CSMD3: variants seen among roughly 807,000 people sequenced by gnomAD.
The protein encoded by CSMD3 is CUB and sushi domain-containing protein 3.
In CSMD3, 177 loss-of-function variants were observed where a neutral mutation model predicts 435.2. The ratio of observed to expected loss-of-function variants is 0.41; its 90% confidence interval spans 0.36 to 0.46. CSMD3 has a LOEUF of 0.46. Among genes scored for constraint, CSMD3 ranks in the 20% least tolerant of loss-of-function variants. CSMD3 has a pLI of 0.34. For missense variants in CSMD3, 4,265 were observed against 4,504.6 expected (o/e 0.95, Z 1.52); for synonymous variants, 1,656 against 1,520.5 (o/e 1.09, Z -2.07).
intron 38 of CSMD3, among the ~76,000 whole-genome samples, chr8:112,373,639 G>A (rs11777501): frequency 0.39 from 59,953 of 151,966 alleles, 13,313 homozygotes; most frequent in Middle Eastern, 0.54. Context: ...CAGAATTTCT[G>A]TATCTAGTTA....
intron 4 of CSMD3, among the ~76,000 whole-genome samples, chr8:113,109,182 C>T (rs576427562): frequency 7.2e-5 from 11 of 152,308 alleles, no homozygotes; most frequent in East Asian, 3.9e-4. Context: ...CACTGTAGAA[C>T]GGTGAGGATA....
At chr8:112,553,674 C>T (rs1827875877) in intron 25 of CSMD3, among the ~76,000 whole-genome samples, 1 of 151,884 alleles carries the variant, frequency 6.6e-6, no homozygotes, top group South Asian at 2.1e-4. Flanking sequence ...GACAACTTTC[C>T]TATTATCTTA....
chr8:113,185,732 CATGCATGTGTGCATGCGTGTGTGTGT>C (rs1268666605), intron 3 of CSMD3, among the ~76,000 whole-genome samples: 1 of 149,336 alleles, frequency 6.7e-6, no homozygotes, highest in African/African-American at 2.6e-5. Context: ...TGTGTGTGTG[CATGCATGTGTGCATGCGTGTGTGTGT>C]GCATGTGCAC....
Position 112,335,355 on chromosome 8 carries a change from CTTG to C in CSMD3, c.7136_7138del (p.Thr2379del). 3.1e-6 allele frequency: 5 copies of C among 1,613,946 alleles called. No homozygotes were observed. Among genetic ancestry groups the C allele is most frequent in the Non-Finnish European group, 4.2e-6 (5 of 1,179,934 alleles). ...GTGATAACTGAGCACAAAAAAGCCA[CTTG>C]TTGTGAAATCACTGTGGAATTTGAT... On this transcript the variant is annotated inframe_deletion, in exon 45 of 71. Coordinates refer to ENST00000297405, the MANE Select transcript of CSMD3 (RefSeq NM_198123.2).
intron 3 of CSMD3, among the ~76,000 whole-genome samples, chr8:113,243,407 G>A (rs67253227): frequency 0.11 from 16,670 of 151,858 alleles, 1,005 homozygotes; most frequent in Middle Eastern, 0.18. Context: ...AGGTTTTCAA[G>A]GTTCGTGCAT....
rs564281357 is a variant in CSMD3, at chr8:112,765,620, C to T, written c.1972+34542G>A. ...TCAATATGTTTCTTGACTATTCATT[C>T]TTCACTTAATAAACATTTTCAAAAG... On this transcript the variant is annotated intron_variant, in intron 13 of 70. Transcript: ENST00000297405. Among the ~76,000 whole-genome samples, 8 of 151,748 alleles carry T rather than the reference C, an allele frequency of 5.3e-5. No individual in the cohort carries two copies. The East Asian group carries it at 1.6e-3, about 29-fold the overall frequency.
At chr8:112,533,194 A>G (rs1273324329) in intron 27 of CSMD3, among the ~76,000 whole-genome samples, 1 of 152,036 alleles carries the variant, frequency 6.6e-6, no homozygotes, top group African/African-American at 2.4e-5. Context: ...CCACAAAGGA[A>G]GTGAAGAAGA....
intron 27 of CSMD3, among the ~76,000 whole-genome samples, chr8:112,523,627 T>C (rs1390169118): frequency 6.6e-6 from 1 of 152,028 alleles, no homozygotes; most frequent in East Asian, 1.9e-4. Context: ...ACTTAACCTG[T>C]GAGAAAAATC....
intron 32 of CSMD3, among the ~76,000 whole-genome samples, chr8:112,438,101 C>A (rs1183573971): frequency 6.6e-6 from 1 of 152,140 alleles, no homozygotes; most frequent in African/African-American, 2.4e-5. Context: ...AAATAATTAT[C>A]TCTGATATGT....
In CSMD3 at chr8:113,319,799, T is replaced by C. The variant is rs1022567030; in HGVS notation, c.179-5006A>G. Among the ~76,000 whole-genome samples the C allele has an allele frequency of 1.1e-4, 16 of 152,212 alleles. No individual in the cohort carries two copies. The East Asian group carries it at 3.1e-3, about 29-fold the overall frequency. On this transcript the variant is annotated intron_variant, in intron 1 of 70. Transcript: ENST00000297405. Reference sequence around the variant, plus strand: ...ATTGTGATTCACTTGGAATCTATATTTGCCTTTGTAAATACATTTCTAAGT... The same window carrying C: ...ATTGTGATTCACTTGGAATCTATATCTGCCTTTGTAAATACATTTCTAAGT...
intron 53 of CSMD3, among the ~76,000 whole-genome samples, chr8:112,298,242 G>A (rs1475415212): frequency 6.6e-6 from 1 of 151,842 alleles, no homozygotes; most frequent in Non-Finnish European, 1.5e-5. Flanking sequence ...ATATGAAACC[G>A]CAAAGTGTTA....
chr8:112,228,644 C>T, intron 70 of CSMD3, 112 bp downstream of exon 70: 1 of 1,110,128 alleles, frequency 9.0e-7, no homozygotes, highest in Non-Finnish European at 1.3e-6. Flanking sequence ...AGCACACAGA[C>T]ATTTCAACAA....
At chr8:113,195,077 C>A (rs906219794) in intron 3 of CSMD3, among the ~76,000 whole-genome samples, 2 of 151,238 alleles carry the variant, frequency 1.3e-5, no homozygotes, top group Admixed American at 1.3e-4. Context: ...ATCAAGAGAT[C>A]AAAGACATTT....
chr8:112,877,665 T>A (rs990930214), intron 10 of CSMD3, among the ~76,000 whole-genome samples: 9 of 152,138 alleles, frequency 5.9e-5, no homozygotes, highest in African/African-American at 4.8e-5. Flanking sequence ...GACTTCAAAC[T>A]ATAACTACAA....
chr8:113,090,810 A>T (rs2089977544), intron 5 of CSMD3, among the ~76,000 whole-genome samples: 1 of 152,122 alleles, frequency 6.6e-6, no homozygotes. Flanking sequence ...CCTATTCAAA[A>T]TACTGCCCAG....
At chr8:112,870,806 G>C (rs1168518176) in intron 10 of CSMD3, among the ~76,000 whole-genome samples, 2 of 151,688 alleles carry the variant, frequency 1.3e-5, no homozygotes, top group Admixed American at 1.3e-4. Flanking sequence ...TTGCCCTAGA[G>C]AGATTATATT....
intron 1 of CSMD3, among the ~76,000 whole-genome samples, chr8:113,316,442 T>A (rs2093910444): frequency 6.6e-6 from 1 of 152,178 alleles, no homozygotes; most frequent in South Asian, 2.1e-4. Context: ...AGTTGTAGAT[T>A]ATGGCAGATA....
chr8:112,645,831 A>G (rs577024370), intron 19 of CSMD3, among the ~76,000 whole-genome samples: 1 of 152,324 alleles, frequency 6.6e-6, no homozygotes, highest in Admixed American at 6.5e-5. Flanking sequence ...ATAGTTTACA[A>G]GGTCTTCTAT....
intron 30 of CSMD3, among the ~76,000 whole-genome samples, chr8:112,493,214 A>G (rs1288232243): frequency 2.0e-5 from 3 of 152,154 alleles, no homozygotes; most frequent in Non-Finnish European, 4.4e-5. Flanking sequence ...AGATCTTCTC[A>G]TTAAATTTAG....
Sources: gnomAD v4.1 joint callset for allele counts (sites outside exome capture counted in the v4.1 genomes callset) on GRCh38, gnomAD v4.1.1 for gene constraint, MANE v1.5 for transcripts, NCBI Gene and HGNC (gene_info 2026-07-23, HGNC 2026-07-21) for gene names.